GPM6B: variants seen among roughly 807,000 people sequenced by gnomAD.
GPM6B encodes the protein glycoprotein M6B.
Under a neutral mutation model 27.2 loss-of-function variants are expected in GPM6B, and 4 were observed. The observed-to-expected ratio is 0.15, with a 90% confidence interval of 0.07 to 0.34. The LOEUF is 0.34. GPM6B is among the 10% of genes least tolerant of loss of function. The pLI, the probability that GPM6B is intolerant of heterozygous loss-of-function variation, is 1.00. For missense variants in GPM6B, 183 were observed against 261.9 expected (o/e 0.70, Z 2.08); for synonymous variants, 124 against 103.1 (o/e 1.20, Z -1.23).
chrX:13,832,111 A>G lies in GPM6B; in HGVS notation c.-197-46303T>C, dbSNP rs59490499. ...TAAAAAAACAGGCTATTGATAGACT[A>G]GGAGGAATATATTTGCCAGCCCTCT... On this transcript the variant is annotated intron_variant, in intron 1 of 6. Transcript: ENST00000398361. Among the ~76,000 whole-genome samples, 1,059 of 111,668 alleles carry G rather than the reference A, an allele frequency of 9.5e-3. 8 individuals are homozygous for G. Among genetic ancestry groups the G allele is most frequent in the African/African-American group, 0.032 (994 of 30,704 alleles).
intron 1 of GPM6B, among the ~76,000 whole-genome samples, chrX:13,835,940 T>G (rs1049195038): frequency 3.6e-5 from 4 of 112,421 alleles, no homozygotes; most frequent in Non-Finnish European, 7.5e-5. Flanking sequence ...GGCAAGACAA[T>G]GTATTAGCTT....
intron 1 of GPM6B, among the ~76,000 whole-genome samples, chrX:13,863,743 T>C (rs916121859): frequency 3.6e-5 from 4 of 112,177 alleles, no homozygotes; most frequent in Admixed American, 9.4e-5. Flanking sequence ...AAAGACTGCC[T>C]TGTGATAATT....
intron 1 of GPM6B, among the ~76,000 whole-genome samples, chrX:13,865,541 T>TAAAAAAAAAAAAAA (rs1569271152): frequency 6.4e-4 from 2 of 3,115 alleles, no homozygotes; most frequent in Non-Finnish European, 8.6e-4. Context: ...ATCCATCTCT[T>TAAAAAAAAAAAAAA]CAAAAAAAAA....
chrX:13,837,705 G>C (rs1232874172), intron 1 of GPM6B, among the ~76,000 whole-genome samples: 1 of 54,703 alleles, frequency 1.8e-5, no homozygotes, highest in Non-Finnish European at 3.2e-5. Context: ...TTCAAAGCAA[G>C]TTGGTGGGGG....
chrX:13,843,949 T>C (rs948824346), intron 1 of GPM6B, among the ~76,000 whole-genome samples: 2 of 111,889 alleles, frequency 1.8e-5, no homozygotes, highest in African/African-American at 3.3e-5. Flanking sequence ...TTTGTTGCTA[T>C]TGTTGCATCT....
At chrX:13,789,848 T>C (rs1482837322) in intron 2 of GPM6B, among the ~76,000 whole-genome samples, 1 of 108,444 alleles carries the variant, frequency 9.2e-6, no homozygotes, top group Admixed American at 9.7e-5. Context: ...TTTTTTTTTG[T>C]TTTGTTTTGT....
chrX:13,934,869 C>A (rs1163353721), intron 1 of GPM6B, among the ~76,000 whole-genome samples: 2 of 111,519 alleles, frequency 1.8e-5, no homozygotes, highest in African/African-American at 6.5e-5. Context: ...CTGGGGCAGG[C>A]ACCAGGGCCT....
chrX:13,859,161 G>A (rs375740409), intron 1 of GPM6B, among the ~76,000 whole-genome samples: 6 of 112,176 alleles, frequency 5.3e-5, no homozygotes, highest in African/African-American at 1.9e-4. Flanking sequence ...GTAATCATAT[G>A]CAGTTTTGTA....
chrX:13,791,846 G>C (rs1048677819), intron 2 of GPM6B, among the ~76,000 whole-genome samples: 10 of 110,348 alleles, frequency 9.1e-5, no homozygotes, highest in African/African-American at 3.3e-4. Context: ...GCAGGAACAA[G>C]GGCTCAGATT....
At chrX:13,896,334 T>C (rs1216021907) in intron 1 of GPM6B, among the ~76,000 whole-genome samples, 1 of 108,202 alleles carries the variant, frequency 9.2e-6, no homozygotes, top group Admixed American at 9.9e-5. Flanking sequence ...CCATGACTCC[T>C]ATGAAAGGTG....
chrX:13,822,715 C>G (rs2049325055), intron 1 of GPM6B, among the ~76,000 whole-genome samples: 1 of 111,189 alleles, frequency 9.0e-6, no homozygotes, highest in African/African-American at 3.3e-5. Context: ...ATGACAAAAT[C>G]AAAGATGTGT....
intron 1 of GPM6B, among the ~76,000 whole-genome samples, chrX:13,920,033 G>A (rs1170292365): frequency 1.8e-5 from 2 of 110,708 alleles, no homozygotes; most frequent in African/African-American, 6.6e-5. Flanking sequence ...GGAGGCCTAG[G>A]CAGGTGGACC....
upstream of GPM6B, among the ~76,000 whole-genome samples, chrX:13,821,395 T>C (rs1179266110): frequency 8.9e-6 from 1 of 112,176 alleles, no homozygotes; most frequent in African/African-American, 3.2e-5. Context: ...ATAGTAAATA[T>C]GCTTTGTGTG....
At chrX:13,881,652 C>G (rs771170124) in intron 1 of GPM6B, among the ~76,000 whole-genome samples, 1 of 62,746 alleles carries the variant, frequency 1.6e-5, no homozygotes, top group East Asian at 5.0e-4. Context: ...CCTCATGACC[C>G]TAGGAGATAG....
intron 1 of GPM6B, among the ~76,000 whole-genome samples, chrX:13,851,360 A>G (rs968445592): frequency 4.5e-5 from 5 of 110,488 alleles, no homozygotes; most frequent in African/African-American, 1.6e-4. Context: ...CCTTACCTGT[A>G]GAGTGAAAAT....
At chrX:13,870,508 T>G (rs2049964099) in intron 1 of GPM6B, among the ~76,000 whole-genome samples, 1 of 111,616 alleles carries the variant, frequency 9.0e-6, no homozygotes, top group South Asian at 3.7e-4. Flanking sequence ...TGGCCCTACT[T>G]TGAAGGAGCT....
At chrX:13,925,060 T>C (rs1052075235) in intron 1 of GPM6B, among the ~76,000 whole-genome samples, 1 of 111,967 alleles carries the variant, frequency 8.9e-6, no homozygotes, top group African/African-American at 3.3e-5. Flanking sequence ...ATGGATTCTG[T>C]TCTCTTCCAG....
intron 2 of GPM6B, among the ~76,000 whole-genome samples, chrX:13,800,583 T>C (rs1293523643): frequency 1.8e-5 from 2 of 112,326 alleles, no homozygotes; most frequent in African/African-American, 6.5e-5. Context: ...TCAAATTCAA[T>C]AGTACTGTCT....
At chrX:13,867,978 G>C (rs756253364) in intron 1 of GPM6B, among the ~76,000 whole-genome samples, 4 of 112,131 alleles carry the variant, frequency 3.6e-5, no homozygotes, top group Non-Finnish European at 5.6e-5. Context: ...TCTGGACATG[G>C]ACTTCTAGAA....
Sources: gnomAD v4.1 joint callset for allele counts (sites outside exome capture counted in the v4.1 genomes callset) on GRCh38, gnomAD v4.1.1 for gene constraint, MANE v1.5 for transcripts, NCBI Gene and HGNC (gene_info 2026-07-23, HGNC 2026-07-21) for gene names.